FLT4: variants seen among roughly 807,000 people sequenced by gnomAD.
The protein encoded by FLT4 is fms related receptor tyrosine kinase 4, also known as vascular endothelial growth factor receptor 3.
In FLT4, 30 loss-of-function variants were observed where a neutral mutation model predicts 163.2. The ratio of observed to expected loss-of-function variants is 0.18; its 90% CI spans 0.14 to 0.25. FLT4 has a LOEUF of 0.25. Among genes scored for constraint, FLT4 ranks in the 10% least tolerant of loss-of-function variants. The pLI, the probability that FLT4 is intolerant of heterozygous loss-of-function variation, is 1.00. For missense variants in FLT4, 1,510 were observed against 1,863.8 expected, an observed-to-expected ratio of 0.81 and a Z score of 3.50; for synonymous variants, 884 against 789.5, an observed-to-expected ratio of 1.12 and a Z score of -2.01.
At chr5:180,626,496 C>T (rs192219635) in intron 8 of FLT4, among the ~76,000 whole-genome samples, 1 of 152,308 alleles carries the variant, frequency 6.6e-6, no homozygotes, top group African/African-American at 2.4e-5. Flanking sequence ...GCATTGGTCA[C>T]TGAGGTCTGC....
In FLT4 at chr5:180,609,063, G is replaced by A. The variant is rs1246578721; in HGVS notation, c.3808-10C>T. On this transcript the variant is annotated splice_polypyrimidine_tract_variant and intron_variant, in intron 28 of 29. Coordinates refer to ENST00000261937, the MANE Select transcript of FLT4 (RefSeq NM_182925.5). ...TGTCTGTCTGGTTGTCCTGTGTGGA[G>A]AGGACAAGCCAGGCTGTGGGTCCCG... The A allele has an allele frequency of 1.2e-6, 2 of 1,612,964 alleles. No homozygotes were observed. Among genetic ancestry groups the A allele is most frequent in the East Asian group, 2.2e-5 (1 of 44,886 alleles).
At chr5:180,641,168 G>A (rs187252973) in intron 1 of FLT4, among the ~76,000 whole-genome samples, 5 of 152,272 alleles carry the variant, frequency 3.3e-5, no homozygotes, top group Non-Finnish European at 4.4e-5. Flanking sequence ...CTCTGTGCCC[G>A]GCAAACTGCT....
Position 180,620,742 on chromosome 5 carries a change from G to A in FLT4, c.2300-27C>T, listed in dbSNP as rs754428950. 6.4e-7 allele frequency: 1 copy of A among 1,562,208 alleles called. No homozygotes were observed. The highest frequency in any genetic ancestry group is 8.8e-7 in the Non-Finnish European group (1 of 1,138,102). On this transcript the variant is annotated intron_variant, in intron 15 of 29. Coordinates refer to ENST00000261937, the MANE Select transcript of FLT4 (RefSeq NM_182925.5). This position sits in a 1 kb window ranked among gnomAD's most constrained non-coding sequence, Gnocchi z 4.4. Reference sequence around the variant, plus strand: ...TGCGTGGGCAGAAAGGGGCCGGCGTGTGTGTGTGTGTGTGTAAGAGCGTGC... The same window carrying A: ...TGCGTGGGCAGAAAGGGGCCGGCGTATGTGTGTGTGTGTGTAAGAGCGTGC...
chr5:180,630,797 C>G lies in FLT4; in HGVS notation c.158G>C (p.Gly53Ala). ...CCAAGCCCACTCGAGGGGGTGCTGT[C>G]CCCTGGCAGAGGACAGGAGTGGTCA... Reference protein sequence around the residue: ...TGDSLSISCRGQHPLEWAWPG... With the variant: ...TGDSLSISCRAQHPLEWAWPG... The change falls in exon 3 of 30, where the codon GGA becomes GCA. Residue 53 changes from glycine (G) to alanine (A), a missense_variant and splice_region_variant. Physicochemically the swap from Gly to Ala is moderately conservative, Grantham distance 60. Around this residue, in one of 5 missense-constraint regions of FLT4, gnomAD observed 157 missense variants for 178.7 expected, o/e 0.88. Transcript: ENST00000261937. The surrounding 1 kb of genome is among the most constrained non-coding windows in gnomAD (Gnocchi z 6.3). 1 of 1,601,576 alleles carries G rather than the reference C, an allele frequency of 6.2e-7. No homozygotes were observed. The highest frequency in any genetic ancestry group is 8.5e-7 in the Non-Finnish European group (1 of 1,178,346).
rs100659 is a variant in FLT4 at position 180,612,187 on chromosome 5, A to G, written c.3537+319T>C. On this transcript the variant is annotated intron_variant, in intron 26 of 29. Transcript: ENST00000261937. ...CAGAACTGGCACCAGGTGAAGGAAT[A>G]CATCATGACGATGCCAGGGAGATGG... Among the ~76,000 whole-genome samples, 142,533 of 152,186 alleles carry G rather than the reference A, an allele frequency of 0.94. 67,284 individuals carry two copies. Among genetic ancestry groups the G allele is most frequent in the Non-Finnish European group, 1 (67,831 of 68,010 alleles).
At chr5:180,605,773 G>A (rs779680776) in intron 29 of FLT4, among the ~76,000 whole-genome samples, 8 of 152,188 alleles carry the variant, frequency 5.3e-5, no homozygotes, top group African/African-American at 9.6e-5. Context: ...CTGGCTGCAC[G>A]CAGCCATGCT....
Position 180,620,627 on chromosome 5 carries a change from G to A in FLT4, c.2388C>T (p.Ile796=), listed in dbSNP as rs1179242436. The stretch of plus-strand genomic sequence containing the variant: ...CACTCACCCTCCTCATGTTACAGAA[G>A]ATGAGGAGGAGGAGGACCCAGAAGA... ...AVFFWVLLLL[I]FCNMRRPAHA... The change falls in exon 16 of 30, where the codon ATC becomes ATT. Residue 796 remains isoleucine, a synonymous_variant. Transcript: ENST00000261937. This position sits in a 1 kb window ranked among gnomAD's most constrained non-coding sequence, Gnocchi z 4.4. 6.2e-7 allele frequency: 1 copy of A among 1,610,422 alleles called. No homozygotes were observed. Among genetic ancestry groups the A allele is most frequent in the Non-Finnish European group, 8.5e-7 (1 of 1,177,202 alleles).
At chr5:180,634,248 T>A (rs1434876703) in intron 1 of FLT4, among the ~76,000 whole-genome samples, 2 of 152,210 alleles carry the variant, frequency 1.3e-5, no homozygotes, top group African/African-American at 4.8e-5. Flanking sequence ...GACGCCCTCA[T>A]CACTCAGGCA....
intron 28 of FLT4, 197 bp downstream of exon 28, chr5:180,609,701 TGACGAGG>T: frequency 1.7e-6 from 1 of 598,968 alleles, no homozygotes; most frequent in South Asian, 1.8e-5. Flanking sequence ...CGTGTGGGGG[TGACGAGG>T]GCATAGGACA....
At chr5:180,609,790 T>C in intron 28 of FLT4, 115 bp downstream of exon 28, 2 of 1,342,632 alleles carry the variant, frequency 1.5e-6, no homozygotes, top group South Asian at 2.4e-5. Flanking sequence ...ACTTGCACTT[T>C]CAAAGGACAG....
intron 27 of FLT4, among the ~76,000 whole-genome samples, chr5:180,610,243 C>T (rs1762067404): frequency 6.6e-6 from 1 of 152,258 alleles, no homozygotes; most frequent in South Asian, 2.1e-4. Flanking sequence ...GCTGTGTTTC[C>T]TCCCGAGTCC....
intron 19 of FLT4, 45 bp downstream of exon 19, chr5:180,619,208 C>G (rs751637652): frequency 3.5e-6 from 5 of 1,444,276 alleles, no homozygotes; most frequent in Middle Eastern, 2.0e-4. Flanking sequence ...CCGCGGCGCC[C>G]CGCGCCCGGG....
intron 29 of FLT4, chr5:180,608,251 C>T (rs1198138996): frequency 2.6e-5 from 18 of 700,742 alleles, no homozygotes; most frequent in Non-Finnish European, 4.2e-5. Flanking sequence ...AAAATGCTGA[C>T]GTATGCTGCC....
chr5:180,640,676 T>A (rs1156663060), intron 1 of FLT4, among the ~76,000 whole-genome samples: 1 of 152,226 alleles, frequency 6.6e-6, no homozygotes, highest in East Asian at 1.9e-4. Context: ...CCCAGCCCAG[T>A]GAGAGCTGCT....
rs2127826468 is a variant in FLT4, at chr5:180,625,882, C to T, written c.1408G>A (p.Ala470Thr). 1 of 1,611,776 alleles carries T rather than the reference C, an allele frequency of 6.2e-7. No homozygotes were observed. Among genetic ancestry groups the T allele is most frequent in the Non-Finnish European group, 8.5e-7 (1 of 1,179,924 alleles). The change falls in exon 10 of 30, where the codon GCC becomes ACC. Residue 470 changes from alanine (A) to threonine (T), a missense_variant. By Grantham distance (58) the Ala-to-Thr change is moderately conservative. Around this residue, in one of 5 missense-constraint regions of FLT4, gnomAD observed 878 missense variants for 1,016.7 expected, o/e 0.86. Transcript: ENST00000261937. Reference protein sequence around the residue: ...WRPWTPCKMFAQRSLRRRQQQ... With the variant: ...WRPWTPCKMFTQRSLRRRQQQ... Reference sequence around the variant, plus strand: ...AGCTGTACTCACAGACTACGCTGGGCAAACATCTTGCAGGGTGTCCAGGGC... The same window carrying T: ...AGCTGTACTCACAGACTACGCTGGGTAAACATCTTGCAGGGTGTCCAGGGC...
intron 29 of FLT4, 90 bp from the exon 30 acceptor site, chr5:180,603,480 G>T: frequency 8.2e-7 from 1 of 1,221,108 alleles, no homozygotes; most frequent in Non-Finnish European, 1.2e-6. Flanking sequence ...GGGAGGCCTA[G>T]GCAGGCGGAT....
chr5:180,643,205 G>C (rs537751384), intron 1 of FLT4, among the ~76,000 whole-genome samples: 117 of 152,340 alleles, frequency 7.7e-4, no homozygotes, highest in Non-Finnish European at 3.5e-4. Context: ...TCACCCACCA[G>C]ACATTCCTGA....
chr5:180,622,933 C>CAT, intron 11 of FLT4, 94 bp from the exon 12 acceptor site: 1 of 791,966 alleles, frequency 1.3e-6, no homozygotes, highest in Non-Finnish European at 2.2e-6. Flanking sequence ...GCACCACCCC[C>CAT]CCCAATCATG....
rs1561720027 is a variant in FLT4, at chr5:180,621,814, T to C, written c.1748A>G (p.Tyr583Cys). ...PVLLSCQADS[Y>C]KYEHLRWYRL... is the part of the protein sequence containing the mutation. ...GTACCAGCGCAGATGCTCGTACTTG[T>C]AGCTGTCGGCTTGGCAGCTCAGGAG... The change falls in exon 13 of 30, where the codon TAC becomes TGC. Residue 583 changes from tyrosine to cysteine, a missense_variant. Physicochemically the swap from Tyr to Cys is radical, Grantham distance 194. This residue lies in a region of FLT4 where 878 missense variants were observed against 1,016.7 expected (regional missense o/e 0.86). Coordinates refer to ENST00000261937, the MANE Select transcript of FLT4 (RefSeq NM_182925.5). The C allele has an allele frequency of 6.2e-7, 1 of 1,613,420 alleles. No homozygotes were observed. The highest frequency in any genetic ancestry group is 8.5e-7 in the Non-Finnish European group (1 of 1,179,958).
Sources: gnomAD v4.1 joint callset for allele counts (sites outside exome capture counted in the v4.1 genomes callset) on GRCh38, gnomAD v4.1.1 for gene constraint, gnomAD v4.1.1 regional missense constraint, Gnocchi (gnomAD v3.1) non-coding constraint, MANE v1.5 for transcripts, NCBI Gene and HGNC (gene_info 2026-07-23, HGNC 2026-07-21) for gene names.